The following MAP3K9 variants were observed in gnomAD, a reference collection of about 807,000 sequenced individuals.
MAP3K9 encodes mixed lineage kinase 1 (tyr and ser/thr specificity).
In MAP3K9, 46 loss-of-function variants were observed where a neutral mutation model predicts 95.8. That is an observed-to-expected ratio of 0.48 (90% confidence interval 0.38 to 0.61). MAP3K9 has a LOEUF of 0.61. MAP3K9 is among the 20% of genes least tolerant of loss of function. The probability of loss-of-function intolerance (pLI) is 0.00; values close to 1 mark genes in which losing one functional copy is unlikely to be tolerated. For missense variants in MAP3K9, 1,296 were observed against 1,474.3 expected, an observed-to-expected ratio of 0.88 and a Z score of 1.98; for synonymous variants, 533 against 593.8, an observed-to-expected ratio of 0.90 and a Z score of 1.49.
Position 70,761,181 on chromosome 14 carries a change from T to C in MAP3K9, c.822A>G (p.Ile274Met), listed in dbSNP as rs2054369636. 1.2e-6 allele frequency: 2 copies of C among 1,611,342 alleles called. No homozygotes were observed. The highest frequency in any genetic ancestry group is 1.7e-5 in the Admixed American group (1 of 59,524). The change falls in exon 3 of 12, where the codon ATA becomes ATG. Residue 274 changes from isoleucine to methionine, a missense_variant and splice_region_variant. Coordinates refer to ENST00000554752, the MANE Select transcript of MAP3K9 (RefSeq NM_001284230.2). Reference sequence around the variant, plus strand: ...CATTCTCCACCTTCTGGAGGATCAATACTAGGCAAGGAAAAGAATACAGAA... The same window carrying C: ...CATTCTCCACCTTCTGGAGGATCAACACTAGGCAAGGAAAAGAATACAGAA... ...IIHRDLKSSN[I>M]LILQKVENGD...
At chr14:70,780,802 C>A (rs2054665089) in intron 2 of MAP3K9, among the ~76,000 whole-genome samples, 1 of 152,200 alleles carries the variant, frequency 6.6e-6, no homozygotes, top group African/African-American at 2.4e-5. Context: ...TGCCAGATCT[C>A]CGTCATACCT....
At position 70,802,773 on chromosome 14, in the gene MAP3K9, C is replaced by T. The variant is rs577951958; in HGVS notation, c.407-1693G>A. ...TGTCCAGGCCAGATTATGAGACCCA[C>T]AAGGGCAGAGATTCTGTCTGCCCTA... On this transcript the variant is annotated intron_variant, in intron 1 of 11. Transcript: ENST00000554752. Among the ~76,000 whole-genome samples, 7 of 152,302 alleles carry T rather than the reference C, an allele frequency of 4.6e-5. No homozygotes were observed. The South Asian group carries it at 1.5e-3, about 32-fold the overall frequency.
intron 2 of MAP3K9, among the ~76,000 whole-genome samples, chr14:70,787,042 T>C (rs376940745): frequency 2.8e-4 from 43 of 152,210 alleles, no homozygotes; most frequent in Middle Eastern, 3.4e-3. Flanking sequence ...ATGAGGTATA[T>C]AGATAAGAAT....
intron 2 of MAP3K9, among the ~76,000 whole-genome samples, chr14:70,761,570 C>CT (rs1382061286): frequency 6.6e-6 from 1 of 152,166 alleles, no homozygotes; most frequent in African/African-American, 2.4e-5. Flanking sequence ...TGACACCTGC[C>CT]TGGCCAACAT....
intron 2 of MAP3K9, among the ~76,000 whole-genome samples, chr14:70,782,342 C>G (rs898541863): frequency 5.3e-5 from 8 of 152,150 alleles, no homozygotes; most frequent in African/African-American, 1.7e-4. Context: ...TTACCCACAT[C>G]GGTTGAGAAT....
chr14:70,772,715 T>A (rs1457319736), intron 2 of MAP3K9, among the ~76,000 whole-genome samples: 1 of 152,178 alleles, frequency 6.6e-6, no homozygotes, highest in East Asian at 1.9e-4. Context: ...GTGTGTTGAT[T>A]AAGAAGAAAA....
At chr14:70,775,600 A>G (rs1020928834) in intron 2 of MAP3K9, among the ~76,000 whole-genome samples, 1 of 152,156 alleles carries the variant, frequency 6.6e-6, no homozygotes, top group African/African-American at 2.4e-5. Context: ...CCATAACACT[A>G]CTGAACACAG....
chr14:70,800,775 G>A lies in MAP3K9; in HGVS notation c.712C>T (p.Pro238Ser). ...LNRVLSGKRI[P>S]PDILVNWAVQ... is the part of the protein sequence containing the mutation. Reference sequence around the variant, plus strand: ...GCCCAATTCACCAGGATGTCTGGGGGAATCCTTTTCCCAGATAACACTCTA... The same window carrying A: ...GCCCAATTCACCAGGATGTCTGGGGAAATCCTTTTCCCAGATAACACTCTA... Residue 238 changes from proline to serine, a missense_variant, in exon 2 of 12, where the codon CCC becomes TCC. By Grantham distance (74) the Pro-to-Ser change is moderately conservative. Transcript: ENST00000554752. 6.2e-7 allele frequency: 1 copy of A among 1,614,088 alleles called. No individual in the cohort carries two copies.
intron 3 of MAP3K9, among the ~76,000 whole-genome samples, chr14:70,758,382 T>A (rs7147731): frequency 0.55 from 82,957 of 151,576 alleles, 22,974 homozygotes; most frequent in Middle Eastern, 0.66. Flanking sequence ...ACTTTTTTTT[T>A]AAAAAAAGGC....
rs1406786735 is a variant in MAP3K9, at chr14:70,723,529, C to CT, written c.*6850dup. The CT allele has an allele frequency of 1.3e-5, 2 of 152,132 alleles. No homozygotes were observed. Among genetic ancestry groups the CT allele is most frequent in the East Asian group, 3.9e-4 (2 of 5,180 alleles). The allele number at this position is 152,132 out of a possible 1,614,324, so 9.4% of individuals were successfully genotyped here. The stretch of plus-strand genomic sequence containing the variant: ...GGGCAATCTCAAAACCTCGGTGGAC[C>CT]TGAGCTAGGCCAACTTTATCTCAAG... On this transcript the variant is annotated 3_prime_UTR_variant, in exon 12 of 12. Transcript: ENST00000554752.
chr14:70,769,269 C>T (rs2054498985), intron 2 of MAP3K9, among the ~76,000 whole-genome samples: 1 of 152,162 alleles, frequency 6.6e-6, no homozygotes, highest in Non-Finnish European at 1.5e-5. Flanking sequence ...AATATGAAAA[C>T]CCACATAATC....
Position 70,761,101 on chromosome 14 carries a change from C to T in MAP3K9, c.902G>A (p.Trp301Ter). The T allele has an allele frequency of 6.2e-7, 1 of 1,614,156 alleles. No individual in the cohort carries two copies. Among genetic ancestry groups the T allele is most frequent in the Non-Finnish European group, 8.5e-7 (1 of 1,180,010 alleles). Residue 301 changes from tryptophan to a stop codon, truncating the protein, a stop_gained, in exon 3 of 12, where the codon TGG becomes TAG. Coordinates refer to ENST00000554752, the MANE Select transcript of MAP3K9 (RefSeq NM_001284230.2). LOFTEE classifies it high-confidence loss of function. ...CGCACTCATCTTGGTGGTTCGGTGC[C>T]ATTCCCGAGCCAGGCCAAAATCAGT... ...KITDFGLARE[W>*]HRTTKMSAAG...
chr14:70,808,816 C>A lies in MAP3K9; in HGVS notation c.356G>T (p.Ser119Ile). Residue 119 changes from serine (S) to isoleucine (I), a missense_variant, in exon 1 of 12, where the codon AGC becomes ATC. Transcript: ENST00000554752. The stretch of plus-strand genomic sequence containing the variant: ...GTCCTCGCCGCCGGGCTGGCAGCGG[C>A]TGGAGAAGGCGCTGCGCGGGGTCAC... Reference protein sequence around the residue: ...NYVTPRSAFSSRCQPGGEDPS... With the variant: ...NYVTPRSAFSIRCQPGGEDPS... The A allele has an allele frequency of 6.3e-7, 1 of 1,595,176 alleles. No homozygotes were observed. The highest frequency in any genetic ancestry group is 1.4e-5 in the African/African-American group (1 of 74,012).
chr14:70,745,164 TTTC>T (rs2054128661), intron 5 of MAP3K9, among the ~76,000 whole-genome samples: 1 of 152,146 alleles, frequency 6.6e-6, no homozygotes, highest in Non-Finnish European at 1.5e-5. Flanking sequence ...AAGCAGGATA[TTTC>T]TTCAGTAAAG....
At chr14:70,782,442 G>A (rs2054692110) in intron 2 of MAP3K9, among the ~76,000 whole-genome samples, 2 of 152,146 alleles carry the variant, frequency 1.3e-5, no homozygotes, top group African/African-American at 4.8e-5. Flanking sequence ...GAGGGCAGAG[G>A]AGGAAGCGGT....
chr14:70,808,938 C>A lies in MAP3K9; in HGVS notation c.234G>T (p.Val78=). 6.3e-7 allele frequency: 1 copy of A among 1,583,060 alleles called. No homozygotes were observed. Among genetic ancestry groups the A allele is most frequent in the Non-Finnish European group, 8.5e-7 (1 of 1,170,450 alleles). ...EDELTLRLGD[V]VEVLSKDSQV... ...GCGAGTCCTTGGACAGCACCTCCAC[C>A]ACGTCGCCCAGCCGCAGGGTCAGCT... The change falls in exon 1 of 12, where the codon GTG becomes GTT. Residue 78 remains valine, a synonymous_variant. Coordinates refer to ENST00000554752, the MANE Select transcript of MAP3K9 (RefSeq NM_001284230.2).
intron 2 of MAP3K9, among the ~76,000 whole-genome samples, chr14:70,797,905 G>C (rs2054882768): frequency 6.6e-6 from 1 of 152,134 alleles, no homozygotes. Context: ...TTTACAACTA[G>C]CATCAACATC....
rs914266597 is a variant in MAP3K9, at chr14:70,729,782, T to C, written c.*598A>G. 2.0e-5 allele frequency: 3 copies of C among 152,356 alleles called. No individual in the cohort carries two copies. Among genetic ancestry groups the C allele is most frequent in the Non-Finnish European group, 4.4e-5 (3 of 68,132 alleles). The allele number at this position is 152,356 out of a possible 1,614,324, so 9.4% of individuals were successfully genotyped here. ...TAGGTGGGGCACCTGGAAGTGCAGA[T>C]AGGCAGTGCCAGGTCTATCAAGCCC... On this transcript the variant is annotated 3_prime_UTR_variant, in exon 12 of 12. Coordinates refer to ENST00000554752, the MANE Select transcript of MAP3K9 (RefSeq NM_001284230.2).
chr14:70,738,515 T>C (rs969178940), intron 7 of MAP3K9, 117 bp from the exon 8 acceptor site: 20 of 877,486 alleles, frequency 2.3e-5, no homozygotes, highest in Non-Finnish European at 2.9e-5. Context: ...AGTTAGACCT[T>C]ATCAAAAACT....
Sources: allele counts gnomAD v4.1 joint callset (sites outside exome capture counted in the v4.1 genomes callset), GRCh38; gene constraint gnomAD v4.1.1; transcripts MANE v1.5; gene names NCBI Gene and HGNC (gene_info 2026-07-23, HGNC 2026-07-21).